NEK11: variants seen among roughly 807,000 people sequenced by gnomAD.
The protein encoded by NEK11 is NIMA related kinase 11, also known as serine/threonine-protein kinase Nek11.
Under a neutral mutation model 80.7 loss-of-function variants are expected in NEK11, and 72 were observed. The ratio of observed to expected loss-of-function variants is 0.89; its 90% confidence interval spans 0.74 to 1.08. NEK11 has a LOEUF of 1.08. NEK11 is among the 50% of genes least tolerant of loss of function. The pLI, the probability that NEK11 is intolerant of heterozygous loss-of-function variation, is 0.00. For missense variants in NEK11, 764 were observed against 763.6 expected, an observed-to-expected ratio of 1.00 and a Z score of -0.01; for synonymous variants, 251 against 260.7, an observed-to-expected ratio of 0.96 and a Z score of 0.36.
intron 16 of NEK11, among the ~76,000 whole-genome samples, chr3:131,258,138 G>A (rs899426505): frequency 2.1e-5 from 3 of 144,648 alleles, no homozygotes; most frequent in Non-Finnish European, 4.6e-5. Context: ...AAGGCAGAAT[G>A]ATATAATGGA....
rs1561087141 is a variant in NEK11 at position 131,228,608 on chromosome 3, GAAGA to G, written c.1482_1485del (p.Glu495LysfsTer2). Reference sequence around the variant, plus strand: ...CTATTGTGAAGAGAGTGATGAGGAGGAAGAAGAAATAGCGTTAGAAAGACCAGAG... The same window carrying G: ...CTATTGTGAAGAGAGTGATGAGGAGGAGAAATAGCGTTAGAAAGACCAGAG... On this transcript the variant is annotated frameshift_variant, in exon 15 of 18. Coordinates refer to ENST00000383366, the MANE Select transcript of NEK11 (RefSeq NM_024800.5). LOFTEE classifies it high-confidence loss of function. The G allele has an allele frequency of 1.9e-6, 3 of 1,613,516 alleles. No individual in the cohort carries two copies. The Admixed American group carries it at 5.0e-5, about 27-fold the overall frequency.
At chr3:131,180,118 A>G (rs2093267081) in intron 14 of NEK11, among the ~76,000 whole-genome samples, 1 of 152,192 alleles carries the variant, frequency 6.6e-6, no homozygotes, top group Non-Finnish European at 1.5e-5. Context: ...AAGCAGCAGA[A>G]GTAGATTGGA....
intron 3 of NEK11, among the ~76,000 whole-genome samples, chr3:131,058,608 T>TG (rs1177954557): frequency 6.6e-6 from 1 of 152,224 alleles, no homozygotes; most frequent in African/African-American, 2.4e-5. Flanking sequence ...TACAACCCAT[T>TG]GACTTATCTT....
At chr3:131,322,051 G>A (rs1437148497) in intron 17 of NEK11, among the ~76,000 whole-genome samples, 3 of 152,140 alleles carry the variant, frequency 2.0e-5, no homozygotes, top group African/African-American at 7.2e-5. Context: ...TATGTTCATC[G>A]CAGCACTATT....
intron 5 of NEK11, among the ~76,000 whole-genome samples, chr3:131,126,020 C>T (rs1324353274): frequency 6.6e-6 from 1 of 152,156 alleles, no homozygotes; most frequent in Non-Finnish European, 1.5e-5. Flanking sequence ...AGCCACAACC[C>T]CATTTCTGAC....
chr3:131,337,847 C>T (rs2097213312), intron 17 of NEK11, among the ~76,000 whole-genome samples: 1 of 152,162 alleles, frequency 6.6e-6, no homozygotes, highest in Non-Finnish European at 1.5e-5. Context: ...ATCTGTGCCT[C>T]AGTTTCTTCA....
intron 16 of NEK11, among the ~76,000 whole-genome samples, chr3:131,254,715 T>A (rs961677286): frequency 2.6e-5 from 4 of 152,124 alleles, no homozygotes; most frequent in Non-Finnish European, 5.9e-5. Flanking sequence ...ATAACTTTTC[T>A]CAGCTAGAAG....
chr3:131,288,657 G>C (rs1377496916), intron 17 of NEK11, among the ~76,000 whole-genome samples: 1 of 151,782 alleles, frequency 6.6e-6, no homozygotes, highest in Admixed American at 6.6e-5. Flanking sequence ...TCTCCATGTA[G>C]GTCTGACTTG....
intron 14 of NEK11, among the ~76,000 whole-genome samples, chr3:131,171,783 T>C (rs1378092582): frequency 1.3e-5 from 2 of 152,134 alleles, no homozygotes; most frequent in Non-Finnish European, 2.9e-5. Context: ...TTCTCAGTCT[T>C]GTTCACCAGT....
intron 4 of NEK11, among the ~76,000 whole-genome samples, chr3:131,094,445 G>T (rs1170764185): frequency 6.6e-6 from 1 of 152,090 alleles, no homozygotes; most frequent in African/African-American, 2.4e-5. Context: ...TTTCCAAGGG[G>T]GGTGGATCTG....
intron 7 of NEK11, among the ~76,000 whole-genome samples, chr3:131,146,785 G>A (rs190747684): frequency 1.3e-3 from 194 of 151,940 alleles, no homozygotes; most frequent in Non-Finnish European, 2.2e-3. Flanking sequence ...GTTGTAATTC[G>A]CACTTTTCTG....
intron 3 of NEK11, among the ~76,000 whole-genome samples, chr3:131,058,649 C>G (rs1358880422): frequency 6.6e-6 from 1 of 152,134 alleles, no homozygotes; most frequent in Non-Finnish European, 1.5e-5. Context: ...TATCACAGTT[C>G]CCTTAAGAGA....
chr3:131,196,752 C>T (rs748688408), intron 14 of NEK11, among the ~76,000 whole-genome samples: 1 of 151,754 alleles, frequency 6.6e-6, no homozygotes, highest in Non-Finnish European at 1.5e-5. Context: ...AGGCTGGTCT[C>T]GAACTCTTGA....
intron 14 of NEK11, among the ~76,000 whole-genome samples, chr3:131,224,215 G>A (rs2176174): frequency 0.21 from 31,511 of 151,870 alleles, 6,429 homozygotes; most frequent in African/African-American, 0.52. Context: ...GACTGTTACT[G>A]CTTTATGTAT....
intron 3 of NEK11, among the ~76,000 whole-genome samples, chr3:131,053,000 A>G (rs943546814): frequency 6.6e-6 from 1 of 152,124 alleles, no homozygotes; most frequent in Non-Finnish European, 1.5e-5. Context: ...TTGACTACTG[A>G]ACTCCTCTTT....
At chr3:131,197,897 C>T (rs2094085315) in intron 14 of NEK11, among the ~76,000 whole-genome samples, 1 of 152,048 alleles carries the variant, frequency 6.6e-6, no homozygotes, top group Non-Finnish European at 1.5e-5. Flanking sequence ...CCTTCTATTT[C>T]CCTTTCCTTT....
chr3:131,334,992 A>G (rs6801228), intron 17 of NEK11, among the ~76,000 whole-genome samples: 1,588 of 152,290 alleles, frequency 0.01, 23 homozygotes, highest in African/African-American at 0.035. Flanking sequence ...TTACCAACCA[A>G]AAAGAGTCCG....
intron 14 of NEK11, among the ~76,000 whole-genome samples, chr3:131,207,291 A>G (rs1252236869): frequency 6.6e-6 from 1 of 152,188 alleles, no homozygotes; most frequent in Non-Finnish European, 1.5e-5. Context: ...CAACAGTGTA[A>G]AAGTGTTCCT....
intron 9 of NEK11, among the ~76,000 whole-genome samples, chr3:131,153,522 T>G (rs1271665365): frequency 6.6e-6 from 1 of 152,158 alleles, no homozygotes; most frequent in Non-Finnish European, 1.5e-5. Flanking sequence ...TTAAAACTTC[T>G]CAGGGTTTTA....
Sources: allele counts gnomAD v4.1 joint callset (sites outside exome capture counted in the v4.1 genomes callset), GRCh38; gene constraint gnomAD v4.1.1; transcripts MANE v1.5; gene names NCBI Gene and HGNC (gene_info 2026-07-23, HGNC 2026-07-21).